NAV3: variants seen among roughly 807,000 people sequenced by gnomAD.
NAV3 encodes pore membrane and/or filament interacting like protein 1.
A neutral mutation model predicts 244.7 loss-of-function variants in NAV3; 87 were observed. The ratio of observed to expected loss-of-function variants is 0.36; its 90% CI spans 0.30 to 0.42. The LOEUF is 0.42. Among genes scored for constraint, NAV3 ranks in the 20% least tolerant of loss-of-function variants. NAV3 has a pLI of 1.00. For synonymous variants in NAV3, 1,126 were observed against 1,042.2 expected (o/e 1.08, Z -1.55); for missense variants, 2,663 against 2,893.3 (o/e 0.92, Z 1.83).
intron 2 of NAV3, among the ~76,000 whole-genome samples, chr12:77,720,156 TC>T (rs1181988673): frequency 6.7e-4 from 2 of 2,992 alleles, no homozygotes; most frequent in Non-Finnish European, 0.029. Context: ...TACTTGAGTT[TC>T]TCTCTCTCTC....
chr12:78,007,198 T>C lies in NAV3; in HGVS notation c.1660T>C (p.Phe554Leu). Reference protein sequence around the residue: ...GSTASKESEKFRTTKGSPSQS... With the variant: ...GSTASKESEKLRTTKGSPSQS... ...CACAGCAAGCAAAGAGTCTGAGAAA[T>C]TCAGGACTACCAAGGGGAGCCCTTC... The change falls in exon 8 of 40, where the codon TTC (phenylalanine) becomes CTC (leucine). Residue 554 changes from phenylalanine to leucine, a missense_variant. Phe to Leu is a conservative substitution (Grantham distance 22). Around this residue, in one of 6 missense-constraint regions of NAV3, gnomAD observed 1,521 missense variants for 1,497.0 expected, o/e 1.02. Transcript: ENST00000397909. 6.2e-7 allele frequency: 1 copy of C among 1,614,106 alleles called. No individual in the cohort carries two copies. The highest frequency in any genetic ancestry group is 8.5e-7 in the Non-Finnish European group (1 of 1,180,026).
At chr12:77,577,282 A>C (rs1869135040) in intron 2 of NAV3, among the ~76,000 whole-genome samples, 1 of 152,170 alleles carries the variant, frequency 6.6e-6, no homozygotes, top group Admixed American at 6.5e-5. Flanking sequence ...GAATTAGATA[A>C]AGTGACTCTT....
At chr12:78,174,159 T>G (rs1434137181) in intron 24 of NAV3, among the ~76,000 whole-genome samples, 5 of 151,854 alleles carry the variant, frequency 3.3e-5, no homozygotes, top group African/African-American at 4.8e-5. Flanking sequence ...CAAATGTGAC[T>G]TGAAGCACAA....
At chr12:78,135,742 G>A (rs912004673) in intron 18 of NAV3, among the ~76,000 whole-genome samples, 1 of 152,148 alleles carries the variant, frequency 6.6e-6, no homozygotes, top group Non-Finnish European at 1.5e-5. Flanking sequence ...TAATCAGACC[G>A]AAATGGTACT....
intron 2 of NAV3, among the ~76,000 whole-genome samples, chr12:77,616,040 C>T (rs1467114573): frequency 6.6e-6 from 1 of 152,120 alleles, no homozygotes; most frequent in African/African-American, 2.4e-5. Context: ...TAGCAGAATT[C>T]ATGTTGGAGT....
At chr12:77,751,425 T>A (rs1303963779) in intron 2 of NAV3, among the ~76,000 whole-genome samples, 1 of 152,178 alleles carries the variant, frequency 6.6e-6, no homozygotes, top group Non-Finnish European at 1.5e-5. Context: ...TTGGGAGAGA[T>A]CTGGTGGGAG....
At chr12:77,829,860 A>G (rs117273317), upstream of NAV3, among the ~76,000 whole-genome samples, 191 of 152,310 alleles carry the variant, frequency 1.3e-3, 1 homozygote, top group East Asian at 0.026. Flanking sequence ...AAAGATGACC[A>G]TTTCTTCACT....
At chr12:77,581,036 AGAG>A (rs2136676540) in intron 2 of NAV3, among the ~76,000 whole-genome samples, 1 of 152,172 alleles carries the variant, frequency 6.6e-6, no homozygotes, top group East Asian at 1.9e-4. Context: ...AAGAGGGCTT[AGAG>A]GATTTTTGAG....
chr12:77,870,437 A>C (rs529811619), intron 1 of NAV3, among the ~76,000 whole-genome samples: 7 of 152,104 alleles, frequency 4.6e-5, no homozygotes, highest in Admixed American at 3.9e-4. Flanking sequence ...TATATAGGGG[A>C]CAAATTGGTA....
At position 78,148,697 on chromosome 12, in the gene NAV3, G is replaced by A. The variant is rs1243748289; in HGVS notation, c.4708-145G>A. 3 of 651,644 alleles carry A rather than the reference G, an allele frequency of 4.6e-6. No homozygotes were observed. The African/African-American group carries it at 5.5e-5, about 12-fold the overall frequency. The allele number at this position is 651,644 out of a possible 1,614,324, so 40.4% of individuals were successfully genotyped here. A position where few individuals can be genotyped will look rare whatever the true frequency, so the allele number is the denominator to read the frequency against. ...ATTTGCTTGTTACTGTGGAGTCAGT[G>A]TTCATATCCTTTATTTTCAGGAGTT... On this transcript the variant is annotated intron_variant, in intron 21 of 39. Coordinates refer to ENST00000397909, the MANE Select transcript of NAV3 (RefSeq NM_001024383.2).
At chr12:78,157,258 G>T (rs1957341509) in intron 22 of NAV3, among the ~76,000 whole-genome samples, 1 of 151,962 alleles carries the variant, frequency 6.6e-6, no homozygotes, top group African/African-American at 2.4e-5. Context: ...AGTTGAAAAG[G>T]TAAAGTTCAG....
chr12:77,982,428 A>C (rs977851770), intron 5 of NAV3, among the ~76,000 whole-genome samples: 12 of 152,210 alleles, frequency 7.9e-5, no homozygotes, highest in African/African-American at 2.9e-4. Context: ...TAAATATTTA[A>C]GCAGATGGCT....
At chr12:77,900,523 T>G (rs1366698836) in intron 1 of NAV3, among the ~76,000 whole-genome samples, 1 of 152,210 alleles carries the variant, frequency 6.6e-6, no homozygotes, top group Non-Finnish European at 1.5e-5. Flanking sequence ...GATTTCATTA[T>G]TTTTTATGGC....
At position 77,898,617 on chromosome 12, in the gene NAV3, A is replaced by C. The variant is rs908258789; in HGVS notation, c.244-41702A>C. On this transcript the variant is annotated intron_variant, in intron 1 of 39. Coordinates refer to ENST00000397909, the MANE Select transcript of NAV3 (RefSeq NM_001024383.2). ...TGATAAACATAGGCCTCCTGACATCATGGGTTGAGGAACACAGATAAAATC... is the reference window on the plus strand; with the variant it reads ...TGATAAACATAGGCCTCCTGACATCCTGGGTTGAGGAACACAGATAAAATC... 4.7e-4 allele frequency among the ~76,000 whole-genome samples: 71 copies of C among 152,336 alleles called. 2 individuals carry two copies. The highest frequency in any genetic ancestry group is 8.8e-5 in the Non-Finnish European group (6 of 68,020).
chr12:77,660,660 G>T (rs1023742539), intron 2 of NAV3, among the ~76,000 whole-genome samples: 1 of 151,988 alleles, frequency 6.6e-6, no homozygotes, highest in African/African-American at 2.4e-5. Flanking sequence ...GACATGTTTA[G>T]GTATAAGTAT....
intron 36 of NAV3, 148 bp from the exon 37 acceptor site, chr12:78,199,187 C>A: frequency 1.4e-6 from 1 of 736,170 alleles, no homozygotes; most frequent in East Asian, 2.7e-5. Context: ...CACCTTTGAT[C>A]ATGAAAAGGT....
intron 2 of NAV3, among the ~76,000 whole-genome samples, chr12:77,713,451 T>A (rs559555773): frequency 6.6e-6 from 1 of 152,198 alleles, no homozygotes; most frequent in African/African-American, 2.4e-5. Context: ...ATGAATACTT[T>A]TCTTATAATG....
At chr12:77,667,417 G>A (rs1385033086) in intron 2 of NAV3, among the ~76,000 whole-genome samples, 1 of 152,118 alleles carries the variant, frequency 6.6e-6, no homozygotes, top group African/African-American at 2.4e-5. Context: ...GGCATGGCGG[G>A]AGTAAGACCA....
At chr12:77,858,087 A>G (rs1197343541) in intron 1 of NAV3, among the ~76,000 whole-genome samples, 2 of 152,094 alleles carry the variant, frequency 1.3e-5, no homozygotes, top group Non-Finnish European at 2.9e-5. Context: ...GGTCACTTCT[A>G]TAGGAGAGTT....
Sources: allele counts gnomAD v4.1 joint callset (sites outside exome capture counted in the v4.1 genomes callset), GRCh38; gene constraint gnomAD v4.1.1; regional missense constraint gnomAD v4.1.1; transcripts MANE v1.5; gene names NCBI Gene and HGNC (gene_info 2026-07-23, HGNC 2026-07-21).